The following ZC3H4 variants were observed in gnomAD, a reference collection of about 807,000 sequenced individuals.
ZC3H4 encodes the protein zinc finger CCCH domain-containing protein 4.
A neutral mutation model predicts 108.3 loss-of-function variants in ZC3H4; 13 were observed. The ratio of observed to expected loss-of-function variants is 0.12; its 90% CI spans 0.08 to 0.19. ZC3H4 has a LOEUF of 0.19. Among genes scored for constraint, ZC3H4 ranks in the 10% least tolerant of loss-of-function variants. The probability of loss-of-function intolerance (pLI) is 1.00; values close to 1 mark genes in which losing one functional copy is unlikely to be tolerated. For synonymous variants in ZC3H4, 917 were observed against 749.6 expected, an observed-to-expected ratio of 1.22 and a Z score of -3.65; for missense variants, 1,734 against 1,838.8, an observed-to-expected ratio of 0.94 and a Z score of 1.04.
Position 47,072,090 on chromosome 19 carries a change from TTGGCCCTGGGGGTCCACC to T in ZC3H4, c.1816_1833del (p.Gly606_Pro611del), listed in dbSNP as rs1568534369. On this transcript the variant is annotated inframe_deletion, in exon 13 of 15. Transcript: ENST00000253048. This position sits in a 1 kb window ranked among gnomAD's most constrained non-coding sequence, Gnocchi z 5.6. Reference sequence around the variant, plus strand: ...GGTCCCATGTTGGGCCCAGGGCCCATTGGCCCTGGGGGTCCACCGGGTCCAGGGAACCTAGAAGAGGGA... The same window carrying T: ...GGTCCCATGTTGGGCCCAGGGCCCATGGGTCCAGGGAACCTAGAAGAGGGA... 6.4e-7 allele frequency: 1 copy of T among 1,560,114 alleles called. No homozygotes were observed. The highest frequency in any genetic ancestry group is 8.6e-7 in the Non-Finnish European group (1 of 1,156,348).
chr19:47,105,409 T>C (rs775073344), intron 2 of ZC3H4, among the ~76,000 whole-genome samples: 2 of 152,202 alleles, frequency 1.3e-5, no homozygotes, highest in Non-Finnish European at 2.9e-5. Context: ...AAGACCAGCC[T>C]GGCCAACACG....
rs1371363291 is a variant in ZC3H4, at chr19:47,109,662, T to C, written c.161+2762A>G. 2.0e-5 allele frequency among the ~76,000 whole-genome samples: 3 copies of C among 152,326 alleles called. No individual in the cohort carries two copies. The East Asian group carries it at 5.8e-4, about 29-fold the overall frequency. ...CCTAGGATCACCACTCTACGGCAGT[T>C]GTGAACATATTAAGAGGAAGAAAAC... On this transcript the variant is annotated intron_variant, in intron 2 of 14. Coordinates refer to ENST00000253048, the MANE Select transcript of ZC3H4 (RefSeq NM_015168.2).
At chr19:47,080,861 G>A (rs982536348) in intron 11 of ZC3H4, among the ~76,000 whole-genome samples, 2 of 152,074 alleles carry the variant, frequency 1.3e-5, no homozygotes, top group African/African-American at 4.8e-5. Flanking sequence ...TTGAGAACCT[G>A]GCCTCAGGTG....
chr19:47,079,380 C>CTT (rs546892078), intron 11 of ZC3H4, among the ~76,000 whole-genome samples: 2 of 134,956 alleles, frequency 1.5e-5, no homozygotes, highest in Admixed American at 7.4e-5. Context: ...TTTCTTTTTA[C>CTT]TTTTTTTTTT....
At position 47,066,291 on chromosome 19, in the gene ZC3H4, A is replaced by T. The variant is rs116422996; in HGVS notation, c.*65T>A. 48 of 1,376,166 alleles carry T rather than the reference A, an allele frequency of 3.5e-5. No homozygotes were observed. The Middle Eastern group carries it at 1.1e-3, about 31-fold the overall frequency. The allele number at this position is 1,376,166 out of a possible 1,614,324, so 85.2% of individuals were successfully genotyped here. On this transcript the variant is annotated 3_prime_UTR_variant, in exon 15 of 15. Transcript: ENST00000253048. ...GCCTCCCCTTGCCCCCAAGTTCCCTACCCTGGGTGCTGCCCTGAATGCCAC... is the reference window on the plus strand; with the variant it reads ...GCCTCCCCTTGCCCCCAAGTTCCCTTCCCTGGGTGCTGCCCTGAATGCCAC...
chr19:47,072,168 A>G lies in ZC3H4; in HGVS notation c.1803-47T>C, dbSNP rs1264546822. The G allele has an allele frequency of 2.7e-6, 4 of 1,473,480 alleles. No homozygotes were observed. The highest frequency in any genetic ancestry group is 2.7e-6 in the Non-Finnish European group (3 of 1,108,874). 91.3% of individuals were successfully genotyped at this position (1,473,480 alleles called of 1,614,324 possible). A position where few individuals can be genotyped will look rare whatever the true frequency, so the allele number is the denominator to read the frequency against. On this transcript the variant is annotated intron_variant, in intron 12 of 14. Coordinates refer to ENST00000253048, the MANE Select transcript of ZC3H4 (RefSeq NM_015168.2). The surrounding 1 kb of genome is among the most constrained non-coding windows in gnomAD (Gnocchi z 5.6). ...TGTGACGGAAGCTGCCGAGGAGGGC[A>G]GTGGCCACACCCCAGAGGAGAGGCG...
In ZC3H4 at chr19:47,084,418, T is replaced by C. The variant is rs377292736; in HGVS notation, c.1145A>G (p.Asp382Gly). The change falls in exon 9 of 15, where the codon GAC becomes GGC. Residue 382 changes from aspartate (D) to glycine (G), a missense_variant. Asp to Gly is a moderately conservative substitution (Grantham distance 94). This residue lies in a region of ZC3H4 where 403 missense variants were observed against 457.0 expected (regional missense o/e 0.88). Coordinates refer to ENST00000253048, the MANE Select transcript of ZC3H4 (RefSeq NM_015168.2). Reference protein sequence around the residue: ...GGGSYRSRDHDKPHQQSDKKG... With the variant: ...GGGSYRSRDHGKPHQQSDKKG... ...CTTGTCCGACTGCTGGTGGGGCTTGTCATGGTCACGACTCCGGTAGCTTCC... is the reference window on the plus strand; with the variant it reads ...CTTGTCCGACTGCTGGTGGGGCTTGCCATGGTCACGACTCCGGTAGCTTCC... The C allele has an allele frequency of 1.9e-6, 3 of 1,614,064 alleles. No individual in the cohort carries two copies. The highest frequency in any genetic ancestry group is 2.2e-5 in the East Asian group (1 of 44,894).
intron 4 of ZC3H4, among the ~76,000 whole-genome samples, chr19:47,090,745 G>A (rs984744672): frequency 1.3e-5 from 2 of 152,164 alleles, no homozygotes; most frequent in Admixed American, 6.6e-5. Context: ...ATGGAGTAAC[G>A]ACGAATATGT....
chr19:47,106,432 A>G (rs73943621), intron 2 of ZC3H4, among the ~76,000 whole-genome samples: 4,067 of 152,272 alleles, frequency 0.027, 150 homozygotes, highest in African/African-American at 0.084. Context: ...CAGCCTGGGC[A>G]ACAGAGCAAA....
In ZC3H4 at chr19:47,066,585, G is replaced by C. The variant is rs309195; in HGVS notation, c.3683C>G (p.Ala1228Gly). ...TGGGGTGGCGGTGGTGGCAGCGGGG[G>C]CTGCAGCAGCCTTGGGCCGGGGCCG... Reference protein sequence around the residue: ...YNRPRPKAAAAPAATTATPPP... With the variant: ...YNRPRPKAAAGPAATTATPPP... The change falls in exon 15 of 15, where the codon GCC becomes GGC. Residue 1228 changes from alanine to glycine, a missense_variant. By Grantham distance (60) the Ala-to-Gly change is moderately conservative (BLOSUM62 0). Around this residue, in one of 9 missense-constraint regions of ZC3H4, gnomAD observed 518 missense variants for 499.6 expected, o/e 1.04. Transcript: ENST00000253048. The C allele has an allele frequency of 0.021, 33,131 of 1,595,726 alleles. 5,336 individuals carry two copies. In the African/African-American group the frequency reaches 0.37, roughly 18 times the overall value.
At chr19:47,089,021 C>T (rs1251539114) in intron 5 of ZC3H4, among the ~76,000 whole-genome samples, 1 of 151,824 alleles carries the variant, frequency 6.6e-6, no homozygotes, top group African/African-American at 2.4e-5. Flanking sequence ...GCCTGACCAA[C>T]ATGGTGAAAC....
chr19:47,068,389 C>G (rs1245035962), intron 14 of ZC3H4, among the ~76,000 whole-genome samples: 1 of 152,230 alleles, frequency 6.6e-6, no homozygotes, highest in African/African-American at 2.4e-5. Flanking sequence ...ACACTTGACC[C>G]CAAACCGGCT....
chr19:47,111,288 C>A (rs566653280), intron 2 of ZC3H4, among the ~76,000 whole-genome samples: 2 of 152,218 alleles, frequency 1.3e-5, no homozygotes, highest in South Asian at 4.1e-4. Flanking sequence ...GGAAACGGGG[C>A]CCCAACCTCG....
chr19:47,106,740 G>A (rs943470134), intron 2 of ZC3H4, among the ~76,000 whole-genome samples: 2 of 152,194 alleles, frequency 1.3e-5, no homozygotes, highest in South Asian at 2.1e-4. Context: ...TCTAAATAAA[G>A]TCTTCATGAT....
rs73943611 is a variant in ZC3H4 at position 47,071,998 on chromosome 19, A to C, written c.1926T>G (p.Pro642=). Reference sequence around the variant, plus strand: ...CTGCGTGCATGTCTGCGTGCATGTCAGGGTGCATGTCCGGGTGCATGTCGG... The same window carrying C: ...CTGCGTGCATGTCTGCGTGCATGTCCGGGTGCATGTCCGGGTGCATGTCGG... ...MHPDMHPDMH[P]DMHADMHADM... is the part of the protein sequence containing the mutation. The change falls in exon 13 of 15, where the codon CCT becomes CCG. Residue 642 remains proline, a synonymous_variant. Coordinates refer to ENST00000253048, the MANE Select transcript of ZC3H4 (RefSeq NM_015168.2). 228 of 1,583,048 alleles carry C rather than the reference A, an allele frequency of 1.4e-4. No homozygotes were observed. In the Admixed American group the frequency reaches 1.5e-3, roughly 11 times the overall value.
At chr19:47,110,906 A>G in intron 2 of ZC3H4, 1 of 985,316 alleles carries the variant, frequency 1.0e-6, no homozygotes, top group Non-Finnish European at 1.2e-6. Flanking sequence ...AAACTGCTGC[A>G]CTTGTGTCTC....
At position 47,081,525 on chromosome 19, in the gene ZC3H4, C is replaced by T. The variant is rs1398515603; in HGVS notation, c.1428G>A (p.Glu476=). The part of the protein sequence containing the change: ...SHDPLTEETR[E]LLDKMLADDA... Reference sequence around the variant, plus strand: ...CCCCGGACATTACCTTATCCAAGAGCTCCCTCGTCTCTTCGGTCAGAGGGT... The same window carrying T: ...CCCCGGACATTACCTTATCCAAGAGTTCCCTCGTCTCTTCGGTCAGAGGGT... The change falls in exon 11 of 15, where the codon GAG becomes GAA. Residue 476 remains glutamate (E), a synonymous_variant. Transcript: ENST00000253048. 2 of 1,614,182 alleles carry T rather than the reference C, an allele frequency of 1.2e-6. No individual in the cohort carries two copies. The highest frequency in any genetic ancestry group is 1.7e-6 in the Non-Finnish European group (2 of 1,179,992).
chr19:47,085,473 C>T (rs1241182792), intron 6 of ZC3H4, 59 bp from the exon 7 acceptor site: 13 of 1,405,738 alleles, frequency 9.2e-6, no homozygotes, highest in South Asian at 1.4e-5. Context: ...GAACACTGTC[C>T]CCACCTACAC....
chr19:47,106,699 C>T lies in ZC3H4; in HGVS notation c.161+5725G>A, dbSNP rs866745084. 4.3e-4 allele frequency among the ~76,000 whole-genome samples: 66 copies of T among 152,300 alleles called. 1 individual carries two copies. Among genetic ancestry groups the T allele is most frequent in the African/African-American group, 1.5e-3 (64 of 41,558 alleles). Reference sequence around the variant, plus strand: ...GACACAGAGGAAGGGAATACGAAGCCTGGTAAAGGCAGTAACAACCCTAGC... The same window carrying T: ...GACACAGAGGAAGGGAATACGAAGCTTGGTAAAGGCAGTAACAACCCTAGC... On this transcript the variant is annotated intron_variant, in intron 2 of 14. Coordinates refer to ENST00000253048, the MANE Select transcript of ZC3H4 (RefSeq NM_015168.2).
Sources: gnomAD v4.1 joint callset for allele counts (sites outside exome capture counted in the v4.1 genomes callset) on GRCh38, gnomAD v4.1.1 for gene constraint, gnomAD v4.1.1 regional missense constraint, Gnocchi (gnomAD v3.1) non-coding constraint, MANE v1.5 for transcripts, NCBI Gene and HGNC (gene_info 2026-07-23, HGNC 2026-07-21) for gene names.